TMPRSS11B: variants seen among roughly 807,000 people sequenced by gnomAD.
The protein encoded by TMPRSS11B is transmembrane serine protease 11B, also known as transmembrane protease serine 11B.
A neutral mutation model predicts 44.7 loss-of-function variants in TMPRSS11B; 53 were observed. That is an observed-to-expected ratio of 1.19 (90% confidence interval 0.95 to 1.49). The LOEUF (loss-of-function observed/expected upper bound fraction) is 1.49, where lower values mean the gene tolerates loss of function less well. Among genes scored for constraint, TMPRSS11B ranks in the 40% most tolerant of loss-of-function variants. The pLI is 0.00. For synonymous variants in TMPRSS11B, 140 were observed against 159.2 expected (o/e 0.88, Z 0.91); for missense variants, 526 against 494.8 (o/e 1.06, Z -0.60).
intron 5 of TMPRSS11B, among the ~76,000 whole-genome samples, chr4:68,233,040 A>C (rs1350617163): frequency 2.0e-5 from 3 of 152,112 alleles, no homozygotes; most frequent in Non-Finnish European, 4.4e-5. Context: ...GAATCATGAA[A>C]TTTTGAGAAC....
intron 1 of TMPRSS11B, among the ~76,000 whole-genome samples, chr4:68,242,998 C>T (rs1719901958): frequency 1.3e-5 from 2 of 152,146 alleles, no homozygotes; most frequent in African/African-American, 2.4e-5. Context: ...GGTTCGGCAT[C>T]ATAGAGATAA....
intron 5 of TMPRSS11B, among the ~76,000 whole-genome samples, chr4:68,233,362 G>A (rs1719573006): frequency 6.6e-6 from 1 of 152,168 alleles, no homozygotes; most frequent in Admixed American, 6.5e-5. Context: ...TGTCTGGCTG[G>A]AAGAACCATG....
intron 7 of TMPRSS11B, among the ~76,000 whole-genome samples, chr4:68,230,537 C>A (rs1267042115): frequency 6.6e-6 from 1 of 152,134 alleles, no homozygotes. Context: ...GGCATGGTGG[C>A]TCGCACCTGT....
At chr4:68,229,163 A>G in intron 8 of TMPRSS11B, 94 bp downstream of exon 8, 1 of 1,290,966 alleles carries the variant, frequency 7.7e-7, no homozygotes, top group South Asian at 1.5e-5. Flanking sequence ...TTACTGATTG[A>G]TTAATTGCAT....
At chr4:68,232,192 A>C (rs1719534872) in intron 6 of TMPRSS11B, 186 bp downstream of exon 6, 2 of 386,464 alleles carry the variant, frequency 5.2e-6, no homozygotes, top group South Asian at 1.8e-4. Flanking sequence ...TTTTTTAATA[A>C]ATGTTAAAAT....
intron 9 of TMPRSS11B, 38 bp from the exon 10 acceptor site, chr4:68,228,110 C>CA (rs764847944): frequency 2.0e-6 from 3 of 1,538,190 alleles, no homozygotes; most frequent in Middle Eastern, 1.7e-4. Context: ...CTTGTCTTAA[C>CA]AAAAAATTTC....
rs1719710397 is a variant in TMPRSS11B at position 68,237,700 on chromosome 4, T to C, written c.125-1434A>G. ...ACGTGATACATTAGGTCACCATAATTTAAAACAGGACAAGCCTCTTAAAAA... is the reference window on the plus strand; with the variant it reads ...ACGTGATACATTAGGTCACCATAATCTAAAACAGGACAAGCCTCTTAAAAA... On this transcript the variant is annotated intron_variant, in intron 2 of 9. Coordinates refer to ENST00000332644, the MANE Select transcript of TMPRSS11B (RefSeq NM_182502.3). 2.6e-5 allele frequency among the ~76,000 whole-genome samples: 4 copies of C among 152,116 alleles called. No individual in the cohort carries two copies. In the South Asian group the frequency reaches 8.3e-4, roughly 32 times the overall value.
At chr4:68,236,090 G>T in intron 3 of TMPRSS11B, 21 bp from the exon 4 acceptor site, 5 of 1,575,932 alleles carry the variant, frequency 3.2e-6, no homozygotes, top group Non-Finnish European at 4.3e-6. Flanking sequence ...AAAAAAAACA[G>T]TCATCATGTA....
chr4:68,241,694 G>T lies in TMPRSS11B; in HGVS notation c.119C>A (p.Ala40Glu). The change falls in exon 2 of 10, where the codon GCA (alanine) becomes GAA (glutamate). Residue 40 changes from alanine to glutamate, a missense_variant. By Grantham distance (107) the Ala-to-Glu change is moderately radical (BLOSUM62 -1). Transcript: ENST00000332644. ...TGAAAATAATCAGTACTCACCAACTGCCAGAAAATGAACAAGAAGACCAAT... is the reference window on the plus strand; with the variant it reads ...TGAAAATAATCAGTACTCACCAACTTCCAGAAAATGAACAAGAAGACCAAT... ...VTIGLLVHFLAVEKTYYYQGD... is the reference protein window; with the variant it reads ...VTIGLLVHFLEVEKTYYYQGD... 1 of 1,604,644 alleles carries T rather than the reference G, an allele frequency of 6.2e-7. No individual in the cohort carries two copies. Among genetic ancestry groups the T allele is most frequent in the Non-Finnish European group, 8.5e-7 (1 of 1,171,992 alleles).
At chr4:68,242,220 T>TATATAATA (rs1241544951) in intron 1 of TMPRSS11B, among the ~76,000 whole-genome samples, 13 of 6,092 alleles carry the variant, frequency 2.1e-3, no homozygotes, top group African/African-American at 3.8e-3. Flanking sequence ...ATATATAATA[T>TATATAATA]TATATTATAT....
chr4:68,244,910 AAAT>A (rs1203908821), intron 1 of TMPRSS11B, among the ~76,000 whole-genome samples: 4 of 152,232 alleles, frequency 2.6e-5, no homozygotes, highest in Non-Finnish European at 5.9e-5. Context: ...AATTTTATAA[AAAT>A]AAACATTTTT....
Position 68,227,816 on chromosome 4 carries a change from T to A in TMPRSS11B, c.*95A>T. The A allele has an allele frequency of 2.6e-6, 2 of 784,160 alleles. No homozygotes were observed. Among genetic ancestry groups the A allele is most frequent in the Non-Finnish European group, 3.6e-6 (2 of 559,996 alleles). The allele number at this position is 784,160 out of a possible 1,614,324, so 48.6% of individuals were successfully genotyped here. A position where few individuals can be genotyped will look rare whatever the true frequency, so the allele number is the denominator to read the frequency against. On this transcript the variant is annotated 3_prime_UTR_variant, in exon 10 of 10. Transcript: ENST00000332644. Reference sequence around the variant, plus strand: ...TATATTTTTATATATAATAAAATGATTAGTTTACCAACAATCAAAATAAAA... The same window carrying A: ...TATATTTTTATATATAATAAAATGAATAGTTTACCAACAATCAAAATAAAA...
chr4:68,234,751 C>T (rs1719616095), intron 4 of TMPRSS11B, 128 bp from the exon 5 acceptor site: 1 of 933,284 alleles, frequency 1.1e-6, no homozygotes, highest in African/African-American at 1.7e-5. Context: ...TATACATATA[C>T]TATCTAAGCA....
intron 7 of TMPRSS11B, among the ~76,000 whole-genome samples, chr4:68,230,580 G>T (rs966553558): frequency 6.6e-6 from 1 of 151,488 alleles, no homozygotes; most frequent in Admixed American, 6.6e-5. Flanking sequence ...GAGGCAGGCG[G>T]ATCACTTAAG....
chr4:68,228,949 C>T (rs1719431492), intron 8 of TMPRSS11B, 65 bp from the exon 9 acceptor site: 5 of 1,533,856 alleles, frequency 3.3e-6, no homozygotes, highest in Non-Finnish European at 4.4e-6. Context: ...GAATATCTAC[C>T]TATAGCATAA....
rs2109960422 is a variant in TMPRSS11B at position 68,236,355 on chromosome 4, C to T, written c.125-89G>A. The T allele has an allele frequency of 5.1e-6, 4 of 779,480 alleles. No homozygotes were observed. In the South Asian group the frequency reaches 6.9e-5, roughly 13 times the overall value. 48.3% of individuals were successfully genotyped at this position (779,480 alleles called of 1,614,324 possible). A position where few individuals can be genotyped will look rare whatever the true frequency, so the allele number is the denominator to read the frequency against. On this transcript the variant is annotated intron_variant, in intron 2 of 9. Transcript: ENST00000332644. ...TATACCTCTGCCTCAACATTCCACC[C>T]AGCTTTAGAAATAATCCATTTATAC...
intron 1 of TMPRSS11B, among the ~76,000 whole-genome samples, chr4:68,242,324 TA>T (rs1719871124): frequency 1.5e-5 from 1 of 66,024 alleles, no homozygotes; most frequent in Non-Finnish European, 2.6e-5. Context: ...ATTATATATA[TA>T]ATATTATATT....
At chr4:68,234,422 A>C in intron 5 of TMPRSS11B, 41 bp downstream of exon 5, 1 of 1,570,174 alleles carries the variant, frequency 6.4e-7, no homozygotes, top group Non-Finnish European at 8.6e-7. Flanking sequence ...TAATCCAGAA[A>C]AAACCTATGT....
At chr4:68,230,734 G>A (rs1719486789) in intron 7 of TMPRSS11B, among the ~76,000 whole-genome samples, 1 of 151,408 alleles carries the variant, frequency 6.6e-6, no homozygotes, top group African/African-American at 2.4e-5. Flanking sequence ...AACCCAGGAG[G>A]CAGAGTTTGC....
Sources: gnomAD v4.1 joint callset for allele counts (sites outside exome capture counted in the v4.1 genomes callset) on GRCh38, gnomAD v4.1.1 for gene constraint, MANE v1.5 for transcripts, NCBI Gene and HGNC (gene_info 2026-07-23, HGNC 2026-07-21) for gene names.